Variants in THSD7B observed in about 807,000 individuals in gnomAD.
THSD7B encodes thrombospondin type-1 domain-containing protein 7B.
Under a neutral mutation model 213.6 loss-of-function variants are expected in THSD7B, and 138 were observed. The observed-to-expected ratio is 0.65, with a 90% CI of 0.56 to 0.74. The LOEUF (loss-of-function observed/expected upper bound fraction) is 0.74. Ranked by LOEUF, THSD7B falls within the 30% of genes least tolerant of loss-of-function variation. The pLI is 0.00. For missense variants in THSD7B, 1,931 were observed against 1,991.5 expected, an observed-to-expected ratio of 0.97 and a Z score of 0.58; for synonymous variants, 742 against 687.0, an observed-to-expected ratio of 1.08 and a Z score of -1.25.
At chr2:137,326,834 A>T (rs1684384520) in intron 12 of THSD7B, among the ~76,000 whole-genome samples, 1 of 152,194 alleles carries the variant, frequency 6.6e-6, no homozygotes. Flanking sequence ...AGCACAGATC[A>T]ATATAAGAAT....
intron 15 of THSD7B, among the ~76,000 whole-genome samples, chr2:137,488,886 G>A (rs1688536232): frequency 6.6e-6 from 1 of 152,126 alleles, no homozygotes; most frequent in African/African-American, 2.4e-5. Flanking sequence ...CTTGATGGGG[G>A]ACAAATCTAT....
At chr2:137,515,685 G>C (rs891331457) in intron 15 of THSD7B, among the ~76,000 whole-genome samples, 1 of 152,170 alleles carries the variant, frequency 6.6e-6, no homozygotes, top group Non-Finnish European at 1.5e-5. Context: ...TGCATTTTAT[G>C]TTGCAGCTCA....
intron 15 of THSD7B, among the ~76,000 whole-genome samples, chr2:137,518,793 C>T (rs573209008): frequency 1.3e-5 from 2 of 152,154 alleles, no homozygotes; most frequent in African/African-American, 2.4e-5. Flanking sequence ...ACTGACATGG[C>T]TACGGCCACT....
At chr2:137,641,791 T>C (rs933048184) in intron 20 of THSD7B, among the ~76,000 whole-genome samples, 1 of 152,238 alleles carries the variant, frequency 6.6e-6, no homozygotes, top group Non-Finnish European at 1.5e-5. Flanking sequence ...TTTGAACATA[T>C]GTTTTTTAAA....
chr2:136,971,879 A>G (rs1573741865), intron 2 of THSD7B, among the ~76,000 whole-genome samples: 2 of 152,140 alleles, frequency 1.3e-5, no homozygotes, highest in South Asian at 2.1e-4. Flanking sequence ...ATTGGGCTCC[A>G]CTTCTCTATG....
At chr2:137,308,112 G>A (rs1316320341) in intron 12 of THSD7B, among the ~76,000 whole-genome samples, 1 of 151,984 alleles carries the variant, frequency 6.6e-6, no homozygotes, top group African/African-American at 2.4e-5. Flanking sequence ...TTTCCTCCAG[G>A]TGTTAAAGTA....
intron 2 of THSD7B, among the ~76,000 whole-genome samples, chr2:137,034,249 T>C (rs942599389): frequency 6.6e-6 from 1 of 151,936 alleles, no homozygotes; most frequent in African/African-American, 2.4e-5. Context: ...TGAAACTGGA[T>C]CCCTTCCTTA....
intron 15 of THSD7B, among the ~76,000 whole-genome samples, chr2:137,478,739 T>A (rs889020975): frequency 2.6e-5 from 4 of 152,226 alleles, no homozygotes; most frequent in Admixed American, 2.6e-4. Flanking sequence ...TTTCCTAAAG[T>A]TGTATCTATG....
intron 2 of THSD7B, among the ~76,000 whole-genome samples, chr2:137,009,000 T>C (rs74812732): frequency 0.022 from 3,419 of 152,310 alleles, 124 homozygotes; most frequent in African/African-American, 0.077. Context: ...CTTTTGTTCT[T>C]CTGCAGACAG....
At chr2:137,202,362 C>G (rs1172322685) in intron 7 of THSD7B, among the ~76,000 whole-genome samples, 1 of 152,024 alleles carries the variant, frequency 6.6e-6, no homozygotes, top group African/African-American at 2.4e-5. Context: ...CAGATGGACC[C>G]TAGATGTCAT....
intron 15 of THSD7B, among the ~76,000 whole-genome samples, chr2:137,469,277 G>A (rs887539892): frequency 3.3e-5 from 5 of 152,164 alleles, no homozygotes; most frequent in Admixed American, 3.3e-4. Flanking sequence ...TAGAGATAGC[G>A]AAGTACTAAG....
At chr2:136,846,373 G>T (rs1683010827) in intron 1 of THSD7B, among the ~76,000 whole-genome samples, 1 of 152,100 alleles carries the variant, frequency 6.6e-6, no homozygotes, top group African/African-American at 2.4e-5. Flanking sequence ...GTGTGGGAAA[G>T]GAGTCATAAC....
At chr2:137,432,497 C>G (rs749406269) in intron 14 of THSD7B, among the ~76,000 whole-genome samples, 1 of 152,218 alleles carries the variant, frequency 6.6e-6, no homozygotes, top group Non-Finnish European at 1.5e-5. Context: ...TTTTACTCTT[C>G]AGGCTAAATA....
chr2:136,790,785 A>G (rs763148031), intron 1 of THSD7B, among the ~76,000 whole-genome samples: 1 of 152,122 alleles, frequency 6.6e-6, no homozygotes, highest in Non-Finnish European at 1.5e-5. Context: ...CATAACCTAG[A>G]GACCAAGGAC....
chr2:137,598,244 G>A (rs191939708), intron 17 of THSD7B, among the ~76,000 whole-genome samples: 140 of 152,304 alleles, frequency 9.2e-4, no homozygotes, highest in African/African-American at 3.3e-3. Context: ...ACATTTTCCA[G>A]AAGTTGCCAA....
chr2:137,009,791 G>A (rs1268450770), intron 2 of THSD7B, among the ~76,000 whole-genome samples: 1 of 152,144 alleles, frequency 6.6e-6, no homozygotes, highest in Admixed American at 6.5e-5. Flanking sequence ...AATTCAAGAT[G>A]AGATTTAGGT....
In THSD7B at chr2:137,355,330, T is replaced by A. The variant is rs747116483; in HGVS notation, c.2501-50283T>A. ...TAAAATGGCCCATTGAAACTTGTGT[T>A]ACAAAATAAGTGATATCATATGGCT... is the stretch of plus-strand genomic sequence containing the variant. On this transcript the variant is annotated intron_variant, in intron 12 of 27. Transcript: ENST00000409968. Among the ~76,000 whole-genome samples, 16 of 152,306 alleles carry A rather than the reference T, an allele frequency of 1.1e-4. 1 individual carries two copies. Among genetic ancestry groups the A allele is most frequent in the Middle Eastern group, 6.8e-3 (2 of 294 alleles).
At chr2:137,492,335 T>C (rs1313572253) in intron 15 of THSD7B, among the ~76,000 whole-genome samples, 1 of 152,224 alleles carries the variant, frequency 6.6e-6, no homozygotes, top group South Asian at 2.1e-4. Context: ...TTATCAATTA[T>C]ATACATGTGC....
chr2:137,085,098 A>G (rs1246655287), intron 3 of THSD7B, among the ~76,000 whole-genome samples: 4 of 152,234 alleles, frequency 2.6e-5, no homozygotes, highest in Non-Finnish European at 5.9e-5. Flanking sequence ...CCAGGTTTAT[A>G]CACATGAAGC....
Sources: allele counts gnomAD v4.1 joint callset (sites outside exome capture counted in the v4.1 genomes callset), GRCh38; gene constraint gnomAD v4.1.1; transcripts MANE v1.5; gene names NCBI Gene and HGNC (gene_info 2026-07-23, HGNC 2026-07-21).